Variants in BSCL2 observed in about 807,000 individuals in gnomAD.
The protein encoded by BSCL2 is seipin.
In BSCL2, 41 loss-of-function variants were observed where a neutral mutation model predicts 57.4. The ratio of observed to expected loss-of-function variants is 0.71; its 90% CI spans 0.56 to 0.93. BSCL2 has a LOEUF of 0.93. Ranked by LOEUF, BSCL2 falls within the 40% of genes least tolerant of loss-of-function variation. The probability of loss-of-function intolerance (pLI) is 0.00; values close to 1 mark genes in which losing one functional copy is unlikely to be tolerated. For synonymous variants in BSCL2, 237 were observed against 227.3 expected, an observed-to-expected ratio of 1.04 and a Z score of -0.38; for missense variants, 539 against 586.7, an observed-to-expected ratio of 0.92 and a Z score of 0.84.
At chr11:62,708,270 T>A, upstream of BSCL2, 2 of 1,465,520 alleles carry the variant, frequency 1.4e-6, no homozygotes, top group Admixed American at 1.7e-5. Flanking sequence ...GAGACTGTGC[T>A]CTGAGAGGTC....
In BSCL2 at chr11:62,691,430, G is replaced by A; in HGVS notation, c.864-9C>T. ...AGTTGTATAGCAGGTATCTGAGGCA[G>A]GAAGTAGGGACAAGAAGGTAGTAGC... On this transcript the variant is annotated splice_polypyrimidine_tract_variant and intron_variant, in intron 6 of 10. Coordinates refer to ENST00000360796, the MANE Select transcript of BSCL2 (RefSeq NM_001122955.4). The A allele has an allele frequency of 6.2e-7, 1 of 1,614,098 alleles. No homozygotes were observed.
intron 1 of BSCL2, chr11:62,706,847 A>G (rs2083549135): frequency 3.3e-6 from 2 of 597,442 alleles, no homozygotes; most frequent in Non-Finnish European, 6.1e-6. Flanking sequence ...AACTGGATAC[A>G]CTCTCCCTCA....
At chr11:62,709,508 TC>T, upstream of BSCL2, 1 of 453,714 alleles carries the variant, frequency 2.2e-6, no homozygotes, top group Non-Finnish European at 4.4e-6. Context: ...GCAGAGGAAC[TC>T]TTAGGAGGGT....
chr11:62,699,188 C>T (rs900616990), intron 3 of BSCL2, among the ~76,000 whole-genome samples: 7 of 149,562 alleles, frequency 4.7e-5, no homozygotes, highest in Non-Finnish European at 7.4e-5. Context: ...CAGGCGTGAG[C>T]CACCACGCTT....
chr11:62,701,603 G>A (rs1047276241), intron 3 of BSCL2, among the ~76,000 whole-genome samples: 1 of 151,996 alleles, frequency 6.6e-6, no homozygotes, highest in African/African-American at 2.4e-5. Flanking sequence ...TTTGGGAGGC[G>A]GGCAGATCAC....
intron 2 of BSCL2, among the ~76,000 whole-genome samples, chr11:62,704,231 G>A (rs1590883875): frequency 6.6e-6 from 1 of 151,766 alleles, no homozygotes; most frequent in African/African-American, 2.4e-5. Context: ...TGGATCACCT[G>A]CATTCAGGAG....
chr11:62,700,988 T>C (rs1213917010), intron 3 of BSCL2, among the ~76,000 whole-genome samples: 2 of 151,558 alleles, frequency 1.3e-5, no homozygotes, highest in Non-Finnish European at 2.9e-5. Flanking sequence ...TATGAGAGCC[T>C]CCTCTAGCTT....
At chr11:62,699,735 A>T (rs531001911) in intron 3 of BSCL2, among the ~76,000 whole-genome samples, 1 of 142,572 alleles carries the variant, frequency 7.0e-6, no homozygotes, top group Non-Finnish European at 1.5e-5. Context: ...CTGGAGTGCA[A>T]TGGAGCAGTC....
intron 3 of BSCL2, among the ~76,000 whole-genome samples, chr11:62,700,679 G>A (rs947909271): frequency 1.3e-5 from 2 of 152,058 alleles, no homozygotes; most frequent in Non-Finnish European, 2.9e-5. Flanking sequence ...CAGGCTGGGT[G>A]TGGTTGCTCA....
In BSCL2 at chr11:62,691,312, C is replaced by A. The variant is rs760106114; in HGVS notation, c.973G>T (p.Gly325Cys). 2.5e-6 allele frequency: 4 copies of A among 1,613,962 alleles called. No individual in the cohort carries two copies. Among genetic ancestry groups the A allele is most frequent in the South Asian group, 2.2e-5 (2 of 91,080 alleles). Residue 325 changes from glycine (G) to cysteine (C), a missense_variant, in exon 7 of 11, where the codon GGC becomes TGC. By Grantham distance (159) the Gly-to-Cys change is radical. Coordinates refer to ENST00000360796, the MANE Select transcript of BSCL2 (RefSeq NM_001122955.4). ...LFSYMQWVWG[G>C]IWPRHRFSLQ... ...GAGAAGCGGTGTCGGGGCCAGATGC[C>A]CCCCCACACCCACTGCATGTAGCTG...
upstream of BSCL2, chr11:62,709,139 A>T: frequency 8.4e-6 from 4 of 477,834 alleles, no homozygotes; most frequent in South Asian, 6.2e-5. Context: ...TCTTGCTCTC[A>T]GTCTCACCTG....
At chr11:62,695,533 A>AC (rs57191287) in intron 3 of BSCL2, among the ~76,000 whole-genome samples, 9 of 151,184 alleles carry the variant, frequency 6.0e-5, no homozygotes, top group East Asian at 2.0e-4. Context: ...ACATGGTGAA[A>AC]CCCCCCGTCT....
intron 3 of BSCL2, among the ~76,000 whole-genome samples, chr11:62,695,978 G>A (rs1410469398): frequency 6.6e-6 from 1 of 152,010 alleles, no homozygotes; most frequent in Non-Finnish European, 1.5e-5. Context: ...TTCAAGACCA[G>A]CCTGGCCAAG....
intron 1 of BSCL2, chr11:62,706,336 G>T: frequency 9.0e-7 from 1 of 1,115,488 alleles, no homozygotes; most frequent in Non-Finnish European, 1.1e-6. Context: ...TCCGCCGGCC[G>T]CTTTTGTAGC....
intron 3 of BSCL2, among the ~76,000 whole-genome samples, chr11:62,699,710 G>A (rs1217678257): frequency 3.9e-5 from 5 of 126,722 alleles, no homozygotes; most frequent in South Asian, 2.6e-4. Flanking sequence ...ACTGAGTCTC[G>A]CTCTGTCACT....
Position 62,690,468 on chromosome 11 carries a change from G to T in BSCL2, c.1288C>A (p.Pro430Thr). The T allele has an allele frequency of 2.5e-6, 4 of 1,614,188 alleles. No homozygotes were observed. Among genetic ancestry groups the T allele is most frequent in the Non-Finnish European group, 3.4e-6 (4 of 1,180,030 alleles). ...ALLTEANLPAPAPASASAPVL... is the reference protein window; with the variant it reads ...ALLTEANLPATAPASASAPVL... Reference sequence around the variant, plus strand: ...GGGGCAGAAGCAGAAGCAGGAGCAGGAGCAGGCAGGTTGGCCTCCGTCAGC... The same window carrying T: ...GGGGCAGAAGCAGAAGCAGGAGCAGTAGCAGGCAGGTTGGCCTCCGTCAGC... Residue 430 changes from proline to threonine, a missense_variant, in exon 11 of 11, where the codon CCT (proline) becomes ACT (threonine). Pro to Thr is a conservative substitution (Grantham distance 38). Transcript: ENST00000360796.
chr11:62,691,557 C>T (rs1945311309), intron 6 of BSCL2, 136 bp from the exon 7 acceptor site: 1 of 1,069,646 alleles, frequency 9.3e-7, no homozygotes, highest in African/African-American at 1.6e-5. Context: ...GCCTCCCACC[C>T]ACACAGTTTC....
intron 2 of BSCL2, 93 bp from the exon 3 acceptor site, chr11:62,702,642 C>T: frequency 1.0e-6 from 1 of 999,014 alleles, no homozygotes; most frequent in Non-Finnish European, 1.5e-6. Flanking sequence ...TCCTGCCCTC[C>T]TCCCTTCTCT....
At chr11:62,702,667 TTC>T (rs1210926620) in intron 2 of BSCL2, 118 bp from the exon 3 acceptor site, 6 of 760,540 alleles carry the variant, frequency 7.9e-6, no homozygotes, top group Non-Finnish European at 1.1e-5. Context: ...ACAGGCACCC[TTC>T]TCTCTGTTAC....
Sources: gnomAD v4.1 joint callset for allele counts (sites outside exome capture counted in the v4.1 genomes callset) on GRCh38, gnomAD v4.1.1 for gene constraint, MANE v1.5 for transcripts, NCBI Gene and HGNC (gene_info 2026-07-23, HGNC 2026-07-21) for gene names.